The following SAP30L variants were observed in gnomAD, a reference collection of about 807,000 sequenced individuals.
SAP30L encodes the protein SAP30 like.
In SAP30L, 10 loss-of-function variants were observed where a neutral mutation model predicts 22.3. The observed-to-expected ratio is 0.45, with a 90% CI of 0.28 to 0.76. The LOEUF (loss-of-function observed/expected upper bound fraction) is 0.76, where lower values mean the gene tolerates loss of function less well. SAP30L is among the 30% of genes least tolerant of loss of function. SAP30L has a pLI of 0.14. For synonymous variants in SAP30L, 91 were observed against 94.1 expected (o/e 0.97, Z 0.19); for missense variants, 206 against 237.9 (o/e 0.87, Z 0.88).
rs1314286951 is a variant in SAP30L, at chr5:154,460,572, T to C, written c.*4544T>C. On this transcript the variant is annotated 3_prime_UTR_variant, in exon 4 of 4. Transcript: ENST00000297109. ...GAAATGGTAAAGTGGGTCTGGTGTT[T>C]TGAGGTAGAACCCAGCCTAGGGCAA... 1 of 152,250 alleles carries C rather than the reference T, an allele frequency of 6.6e-6. No homozygotes were observed. The highest frequency in any genetic ancestry group is 6.5e-5 in the Admixed American group (1 of 15,288). The allele number at this position is 152,250 out of a possible 1,614,324, so 9.4% of individuals were successfully genotyped here.
rs1202782129 is a variant in SAP30L, at chr5:154,457,750, G to GT, written c.*1723dup. ...TTGTATATAGAATATACTCTGGACT[G>GT]TGAGGGCATCCTATTTTGGTATGCC... On this transcript the variant is annotated 3_prime_UTR_variant, in exon 4 of 4. Transcript: ENST00000297109. The GT allele has an allele frequency of 6.6e-6, 1 of 152,204 alleles. No homozygotes were observed. Among genetic ancestry groups the GT allele is most frequent in the African/African-American group, 2.4e-5 (1 of 41,450 alleles). The allele number at this position is 152,204 out of a possible 1,614,324, so 9.4% of individuals were successfully genotyped here. A position where few individuals can be genotyped will look rare whatever the true frequency, so the allele number is the denominator to read the frequency against.
rs1284851567 is a variant in SAP30L at position 154,446,688 on chromosome 5, C to T, written c.84C>T (p.Ser28=). ...CCGCCGCCCCGGGCTACGGCCAGAG[C>T]TGCTGCCTCATCGAGGACGGCGAGC... ...PAAAAPGYGQ[S]CCLIEDGERC... Residue 28 remains serine, a synonymous_variant, in exon 1 of 4, where the codon AGC becomes AGT. Transcript: ENST00000297109. 1 of 1,583,392 alleles carries T rather than the reference C, an allele frequency of 6.3e-7. No homozygotes were observed. Among genetic ancestry groups the T allele is most frequent in the Admixed American group, 1.8e-5 (1 of 56,364 alleles).
chr5:154,454,690 A>G (rs1757227241), intron 3 of SAP30L, among the ~76,000 whole-genome samples: 1 of 152,224 alleles, frequency 6.6e-6, no homozygotes, highest in African/African-American at 2.4e-5. Context: ...CTTTAAAATA[A>G]CATCACCCAT....
chr5:154,455,941 A>C lies in SAP30L; in HGVS notation c.465A>C (p.Lys155Asn), dbSNP rs747576523. The C allele has an allele frequency of 6.2e-6, 10 of 1,613,978 alleles. No homozygotes were observed. Among genetic ancestry groups the C allele is most frequent in the Non-Finnish European group, 7.6e-6 (9 of 1,179,992 alleles). ...RHFRNIPVNE[K>N]ETLAYFIYMV... ...TCAGGAACATACCTGTGAATGAAAAAGAGACCCTTGCCTACTTCATCTACA... is the reference window on the plus strand; with the variant it reads ...TCAGGAACATACCTGTGAATGAAAACGAGACCCTTGCCTACTTCATCTACA... Residue 155 changes from lysine (K) to asparagine (N), a missense_variant, in exon 4 of 4, where the codon AAA (lysine) becomes AAC (asparagine). Around this residue, in one of 2 missense-constraint regions of SAP30L, gnomAD observed 136 missense variants for 187.4 expected, o/e 0.73. Coordinates refer to ENST00000297109, the MANE Select transcript of SAP30L (RefSeq NM_024632.6).
chr5:154,448,995 C>A (rs1186953973), intron 1 of SAP30L, among the ~76,000 whole-genome samples: 5 of 152,028 alleles, frequency 3.3e-5, no homozygotes, highest in Non-Finnish European at 5.9e-5. Flanking sequence ...AAAACTAGAG[C>A]CTTTGCTACC....
chr5:154,447,963 C>CTTTTTTTTT (rs1334594389), intron 1 of SAP30L, among the ~76,000 whole-genome samples: 1 of 114,674 alleles, frequency 8.7e-6, no homozygotes, highest in Non-Finnish European at 1.8e-5. Flanking sequence ...TTTTTTTTTT[C>CTTTTTTTTT]TTTTTCTTTT....
chr5:154,446,440 G>C lies in SAP30L; in HGVS notation c.-165G>C, dbSNP rs1421881698. ...TTCCGGAGGCGGAGGGCCGGGGGCC[G>C]AGGGAGCCGGGCCTCTCGGACGCGG... On this transcript the variant is annotated 5_prime_UTR_variant, in exon 1 of 4. Coordinates refer to ENST00000297109, the MANE Select transcript of SAP30L (RefSeq NM_024632.6). 2 of 509,862 alleles carry C rather than the reference G, an allele frequency of 3.9e-6. No individual in the cohort carries two copies. The highest frequency in any genetic ancestry group is 5.7e-5 in the South Asian group (1 of 17,654). 31.6% of individuals were successfully genotyped at this position (509,862 alleles called of 1,614,324 possible).
Position 154,455,956 on chromosome 5 carries a change from C to T in SAP30L, c.480C>T (p.Tyr160=), listed in dbSNP as rs770078459. ...IPVNEKETLA[Y]FIYMVKSNKS... is the part of the protein sequence containing the mutation. ...TGAATGAAAAAGAGACCCTTGCCTACTTCATCTACATGGTGAAGAGTAACA... is the reference window on the plus strand; with the variant it reads ...TGAATGAAAAAGAGACCCTTGCCTATTTCATCTACATGGTGAAGAGTAACA... Residue 160 remains tyrosine, a synonymous_variant, in exon 4 of 4, where the codon TAC becomes TAT. Transcript: ENST00000297109. 1 of 1,614,146 alleles carries T rather than the reference C, an allele frequency of 6.2e-7. No individual in the cohort carries two copies. The highest frequency in any genetic ancestry group is 2.2e-5 in the East Asian group (1 of 44,880).
Position 154,456,270 on chromosome 5 carries a change from T to C in SAP30L, c.*242T>C, listed in dbSNP as rs1256381492. The C allele has an allele frequency of 6.3e-6, 2 of 315,016 alleles. No homozygotes were observed. The highest frequency in any genetic ancestry group is 5.8e-5 in the East Asian group (1 of 17,378). 19.5% of individuals were successfully genotyped at this position (315,016 alleles called of 1,614,324 possible). A position where few individuals can be genotyped will look rare whatever the true frequency, so the allele number is the denominator to read the frequency against. ...GGATCATTAAAAGAATTAAAAACTA[T>C]GTATTTCAGCATTCAACAAAGCATT... is the stretch of plus-strand genomic sequence containing the variant. On this transcript the variant is annotated 3_prime_UTR_variant, in exon 4 of 4. Transcript: ENST00000297109.
intron 2 of SAP30L, chr5:154,452,365 C>CAAAA (rs34765495): frequency 8.3e-5 from 19 of 228,948 alleles, no homozygotes; most frequent in African/African-American, 1.9e-4. Context: ...TGGTTTTCAC[C>CAAAA]AAAAAAAAAA....
chr5:154,455,004 C>T (rs2113280318), intron 3 of SAP30L, among the ~76,000 whole-genome samples: 2 of 152,174 alleles, frequency 1.3e-5, no homozygotes, highest in Middle Eastern at 3.4e-3. Flanking sequence ...ACCACAGCCT[C>T]CACCTCCCGG....
chr5:154,454,965 G>T (rs900246994), intron 3 of SAP30L, among the ~76,000 whole-genome samples: 2 of 151,522 alleles, frequency 1.3e-5, no homozygotes, highest in Non-Finnish European at 2.9e-5. Flanking sequence ...TATCTCCCAG[G>T]CTGGAGTGCA....
At position 154,458,824 on chromosome 5, in the gene SAP30L, T is replaced by G. The variant is rs1003062716; in HGVS notation, c.*2796T>G. ...ACAAACTCTTAGGTTGGCAACAGCATATAAAAAAAAAGATCACAGCTGAAT... is the reference window on the plus strand; with the variant it reads ...ACAAACTCTTAGGTTGGCAACAGCAGATAAAAAAAAAGATCACAGCTGAAT... On this transcript the variant is annotated 3_prime_UTR_variant, in exon 4 of 4. Coordinates refer to ENST00000297109, the MANE Select transcript of SAP30L (RefSeq NM_024632.6). 3 of 151,920 alleles carry G rather than the reference T, an allele frequency of 2.0e-5. No homozygotes were observed. Among genetic ancestry groups the G allele is most frequent in the Non-Finnish European group, 2.9e-5 (2 of 67,962 alleles). 9.4% of individuals were successfully genotyped at this position (151,920 alleles called of 1,614,324 possible). A position where few individuals can be genotyped will look rare whatever the true frequency, so the allele number is the denominator to read the frequency against.
intron 1 of SAP30L, 91 bp from the exon 2 acceptor site, chr5:154,451,000 T>C (rs1757126267): frequency 1.5e-6 from 2 of 1,342,406 alleles, no homozygotes; most frequent in African/African-American, 2.9e-5. Context: ...TCCAATGCCC[T>C]GCAATGGAAG....
intron 1 of SAP30L, among the ~76,000 whole-genome samples, chr5:154,447,426 T>G (rs1455616629): frequency 6.6e-6 from 1 of 152,254 alleles, no homozygotes; most frequent in Non-Finnish European, 1.5e-5. Context: ...GGTAGTTTCT[T>G]TTGAAATAAG....
At position 154,450,898 on chromosome 5, in the gene SAP30L, G is replaced by A. The variant is rs183074569; in HGVS notation, c.202-193G>A. 1.4e-3 allele frequency among the ~76,000 whole-genome samples: 216 copies of A among 152,306 alleles called. 1 individual carries two copies. The highest frequency in any genetic ancestry group is 2.0e-3 in the Admixed American group (30 of 15,300). Reference sequence around the variant, plus strand: ...CTGGAAGTTTGGTGTATGATACGCTGCCAAGTGTGATGTTAGCATTCTCTT... The same window carrying A: ...CTGGAAGTTTGGTGTATGATACGCTACCAAGTGTGATGTTAGCATTCTCTT... On this transcript the variant is annotated intron_variant, in intron 1 of 3. Transcript: ENST00000297109.
chr5:154,453,314 C>T (rs911901556), intron 2 of SAP30L, 88 bp from the exon 3 acceptor site: 1 of 878,000 alleles, frequency 1.1e-6, no homozygotes, highest in Admixed American at 1.9e-5. Flanking sequence ...CTCACCCCTA[C>T]CTTAGTGTAG....
In SAP30L at chr5:154,448,726, G is replaced by A. The variant is rs143821023; in HGVS notation, c.201+1921G>A. On this transcript the variant is annotated intron_variant, in intron 1 of 3. Transcript: ENST00000297109. The stretch of plus-strand genomic sequence containing the variant: ...GACTGTACTGGAAAACCTGTGTTGA[G>A]CTATGCTGATCATTTCACACACACT... Among the ~76,000 whole-genome samples the A allele has an allele frequency of 1.9e-3, 291 of 152,298 alleles. 3 individuals carry two copies. Among genetic ancestry groups the A allele is most frequent in the African/African-American group, 5.9e-3 (246 of 41,568 alleles).
At chr5:154,451,964 T>C (rs1346816864) in intron 2 of SAP30L, among the ~76,000 whole-genome samples, 1 of 152,190 alleles carries the variant, frequency 6.6e-6, no homozygotes. Context: ...CCATGAGACC[T>C]AGGCTTCTCA....
Sources: allele counts gnomAD v4.1 joint callset (sites outside exome capture counted in the v4.1 genomes callset), GRCh38; gene constraint gnomAD v4.1.1; regional missense constraint gnomAD v4.1.1; transcripts MANE v1.5; gene names NCBI Gene and HGNC (gene_info 2026-07-23, HGNC 2026-07-21).